The following SETDB1 variants were observed in gnomAD, a reference collection of about 807,000 sequenced individuals.
SETDB1 encodes the protein histone-lysine N-methyltransferase SETDB1.
SETDB1 carries 31 observed loss-of-function variants against 137.4 expected under a neutral mutation model. That is an observed-to-expected ratio of 0.23 (90% CI 0.17 to 0.30). The LOEUF is 0.30. Ranked by LOEUF, SETDB1 falls within the 10% of genes least tolerant of loss-of-function variation. The pLI is 1.00. For synonymous variants in SETDB1, 548 were observed against 579.9 expected (o/e 0.95, Z 0.79); for missense variants, 1,113 against 1,631.5 (o/e 0.68, Z 5.47).
At chr1:150,947,175 C>T (rs1043122264) in intron 10 of SETDB1, among the ~76,000 whole-genome samples, 163 bp downstream of exon 10, 5 of 152,318 alleles carry the variant, frequency 3.3e-5, no homozygotes, top group Admixed American at 6.5e-5. Flanking sequence ...ATTTGTGCTG[C>T]TGCTTCCACA....
chr1:150,950,469 G>A lies in SETDB1; in HGVS notation c.1595G>A (p.Gly532Asp). The change falls in exon 13 of 22, where the codon GGC (glycine) becomes GAC (aspartate). Residue 532 changes from glycine (G) to aspartate (D), a missense_variant. Around this residue, in one of 11 missense-constraint regions of SETDB1, gnomAD observed 192 missense variants for 198.1 expected, o/e 0.97. Coordinates refer to ENST00000692827, the MANE Select transcript of SETDB1 (RefSeq NM_001366418.1). ...CATCTCATTTGCAGATCACCTTTAGGCTCCACAGCCTCTGCCCCAGCACCC... is the reference window on the plus strand; with the variant it reads ...CATCTCATTTGCAGATCACCTTTAGACTCCACAGCCTCTGCCCCAGCACCC... ...GINQTYRSPL[G>D]STASAPAPSA... The A allele has an allele frequency of 6.3e-7, 1 of 1,596,212 alleles. No homozygotes were observed.
At chr1:150,943,217 T>C (rs190392919) in intron 7 of SETDB1, among the ~76,000 whole-genome samples, 164 bp downstream of exon 7, 11 of 152,328 alleles carry the variant, frequency 7.2e-5, no homozygotes, top group Admixed American at 4.6e-4. Context: ...TGATTCTTTC[T>C]TCCTCTTTCT....
intron 10 of SETDB1, among the ~76,000 whole-genome samples, chr1:150,947,228 G>GA (rs949186633): frequency 2.8e-4 from 42 of 152,260 alleles, no homozygotes; most frequent in African/African-American, 1.0e-3. Context: ...ATAAAAATCT[G>GA]AAACAGTTGG....
At position 150,940,756 on chromosome 1, in the gene SETDB1, T is replaced by G. The variant is rs941759589; in HGVS notation, c.448-573T>G. ...GGCTCACGCCTGTAATCCCAGGACTTTGGGAGGCTGAGGCGGGTGGAACAC... is the reference window on the plus strand; with the variant it reads ...GGCTCACGCCTGTAATCCCAGGACTGTGGGAGGCTGAGGCGGGTGGAACAC... On this transcript the variant is annotated intron_variant, in intron 4 of 21. Transcript: ENST00000692827. Among the ~76,000 whole-genome samples the G allele has an allele frequency of 9.2e-5, 14 of 151,730 alleles. 1 individual carries two copies. The highest frequency in any genetic ancestry group is 1.3e-4 in the Admixed American group (2 of 15,244).
At chr1:150,958,592 T>C (rs1670727782) in intron 14 of SETDB1, among the ~76,000 whole-genome samples, 1 of 152,098 alleles carries the variant, frequency 6.6e-6, no homozygotes, top group Non-Finnish European at 1.5e-5. Flanking sequence ...AGTAGAGCTC[T>C]TGGTGTTTAA....
intron 2 of SETDB1, 37 bp downstream of exon 2, chr1:150,928,011 A>G (rs762005620): frequency 6.3e-7 from 1 of 1,597,052 alleles, no homozygotes; most frequent in East Asian, 2.2e-5. Context: ...AAATCTCTCC[A>G]TTGGGAGATG....
intron 3 of SETDB1, among the ~76,000 whole-genome samples, chr1:150,931,261 CAAAAA>C (rs767694682): frequency 0.14 from 9,144 of 67,540 alleles, 1,311 homozygotes; most frequent in African/African-American, 0.38. Context: ...CTCTTGTCTT[CAAAAA>C]AAAAAAAAAA....
At chr1:150,933,767 CTT>C (rs1225714666) in intron 3 of SETDB1, among the ~76,000 whole-genome samples, 10 of 116,834 alleles carry the variant, frequency 8.6e-5, no homozygotes, top group Non-Finnish European at 1.4e-4. Context: ...TTTTCTTTTT[CTT>C]TTTCTTTTTC....
Position 150,951,032 on chromosome 1 carries a change from A to G in SETDB1, c.2158A>G (p.Ile720Val). ...ACGTATCCCGGGCAAGGGTGTTTTC[A>G]TTAACACAGGCCCTGAATTTCTGGT... is the stretch of plus-strand genomic sequence containing the variant. ...KERIPGKGVFINTGPEFLVGC... is the reference protein window; with the variant it reads ...KERIPGKGVFVNTGPEFLVGC... The change falls in exon 13 of 22, where the codon ATT (isoleucine) becomes GTT (valine). Residue 720 changes from isoleucine (I) to valine (V), a missense_variant. Physicochemically the swap from Ile to Val is conservative, Grantham distance 29. Around this residue, in one of 11 missense-constraint regions of SETDB1, gnomAD observed 81 missense variants for 123.4 expected, o/e 0.66. Coordinates refer to ENST00000692827, the MANE Select transcript of SETDB1 (RefSeq NM_001366418.1). 6.2e-7 allele frequency: 1 copy of G among 1,613,974 alleles called. No homozygotes were observed. Among genetic ancestry groups the G allele is most frequent in the Non-Finnish European group, 8.5e-7 (1 of 1,179,882 alleles).
chr1:150,943,609 G>C (rs1174759060), intron 7 of SETDB1, among the ~76,000 whole-genome samples: 1 of 152,216 alleles, frequency 6.6e-6, no homozygotes, highest in South Asian at 2.1e-4. Flanking sequence ...CTGGGAGGCA[G>C]TGGTTGCCAT....
intron 19 of SETDB1, 130 bp from the exon 20 acceptor site, chr1:150,963,400 T>C: frequency 5.6e-6 from 5 of 898,948 alleles, no homozygotes; most frequent in Non-Finnish European, 7.0e-6. Flanking sequence ...CTTAGGATCT[T>C]TGAGTTCCAG....
intron 12 of SETDB1, among the ~76,000 whole-genome samples, 181 bp from the exon 13 acceptor site, chr1:150,950,277 T>G (rs1670458972): frequency 6.6e-6 from 1 of 151,510 alleles, no homozygotes; most frequent in South Asian, 2.1e-4. Context: ...CAGTGAAGAG[T>G]AACCAGGGAG....
chr1:150,960,435 C>T, intron 15 of SETDB1, 128 bp from the exon 16 acceptor site: 1 of 779,130 alleles, frequency 1.3e-6, no homozygotes, highest in Non-Finnish European at 2.0e-6. Context: ...CGAGATCGCG[C>T]CACTGCACTC....
intron 6 of SETDB1, 48 bp from the exon 7 acceptor site, chr1:150,942,804 A>T (rs764125095): frequency 5.0e-6 from 8 of 1,602,500 alleles, no homozygotes; most frequent in Non-Finnish European, 6.8e-6. Flanking sequence ...CTGGATTTAT[A>T]CAGAAACTGG....
Position 150,926,451 on chromosome 1 carries a change from C to G in SETDB1, c.-78C>G, listed in dbSNP as rs1222134681. 1 of 284,436 alleles carries G rather than the reference C, an allele frequency of 3.5e-6. No individual in the cohort carries two copies. The highest frequency in any genetic ancestry group is 2.3e-5 in the African/African-American group (1 of 43,578). The allele number at this position is 284,436 out of a possible 1,614,324, so 17.6% of individuals were successfully genotyped here. A position where few individuals can be genotyped will look rare whatever the true frequency, so the allele number is the denominator to read the frequency against. ...CGCTTTCGCTCTTTTCCGTCGAGGC[C>G]GACCCCTGAGTTGTGAGTCTGGGGT... On this transcript the variant is annotated 5_prime_UTR_variant, in exon 1 of 22. Transcript: ENST00000692827.
chr1:150,927,697 C>T lies in SETDB1; in HGVS notation c.-11-7C>T, dbSNP rs181935646. On this transcript the variant is annotated splice_polypyrimidine_tract_variant and splice_region_variant and intron_variant, in intron 1 of 21. Transcript: ENST00000692827. The stretch of plus-strand genomic sequence containing the variant: ...CTCCAATTTAATTTGTTTTCTGTTC[C>T]ATGCAGAGGACAAAAGCATGTCTTC... 2.9e-3 allele frequency: 4,604 copies of T among 1,611,310 alleles called. 11 individuals carry two copies. The highest frequency in any genetic ancestry group is 3.3e-3 in the Non-Finnish European group (3,890 of 1,178,176).
chr1:150,959,250 A>G lies in SETDB1; in HGVS notation c.2406A>G (p.Leu802=). ...MCTNRLVQHG[L]QVRLQLFKTQ... ...CAAACCGGTTGGTGCAACATGGACT[A>G]CAAGTTCGGCTACAGCTATTCAAGA... Residue 802 remains leucine, a synonymous_variant, in exon 15 of 22, where the codon CTA becomes CTG. Transcript: ENST00000692827. 2 of 1,609,686 alleles carry G rather than the reference A, an allele frequency of 1.2e-6. No homozygotes were observed. Among genetic ancestry groups the G allele is most frequent in the Non-Finnish European group, 8.5e-7 (1 of 1,178,698 alleles).
chr1:150,926,817 G>C (rs375624421), intron 1 of SETDB1: 13 of 533,442 alleles, frequency 2.4e-5, no homozygotes, highest in South Asian at 1.7e-4. Flanking sequence ...AGGTACCCAC[G>C]TTTTATTCCC....
rs1318512460 is a variant in SETDB1 at position 150,951,370 on chromosome 1, A to G, written c.2222A>G (p.Lys741Arg). The G allele has an allele frequency of 6.2e-7, 1 of 1,607,642 alleles. No individual in the cohort carries two copies. Among genetic ancestry groups the G allele is most frequent in the East Asian group, 2.2e-5 (1 of 44,866 alleles). Residue 741 changes from lysine to arginine, a missense_variant, in exon 14 of 22, where the codon AAG becomes AGG. This residue lies in a region of SETDB1 where 81 missense variants were observed against 123.4 expected (regional missense o/e 0.66). Coordinates refer to ENST00000692827, the MANE Select transcript of SETDB1 (RefSeq NM_001366418.1). ...DCKDGCRDKS[K>R]CACHQLTIQA... ...TATTTCCCTCTGTCATATAGGTCCA[A>G]GTGTGCCTGCCATCAACTAACTATC...
Sources: gnomAD v4.1 joint callset for allele counts (sites outside exome capture counted in the v4.1 genomes callset) on GRCh38, gnomAD v4.1.1 for gene constraint, gnomAD v4.1.1 regional missense constraint, MANE v1.5 for transcripts, NCBI Gene and HGNC (gene_info 2026-07-23, HGNC 2026-07-21) for gene names.